The following NUS1 variants were observed in gnomAD, a reference collection of about 807,000 sequenced individuals.
NUS1 encodes dehydrodolichyl diphosphate synthase complex subunit NUS1.
For missense variants in NUS1, 292 were observed against 382.9 expected (o/e 0.76, Z 1.98); for synonymous variants, 135 against 155.2 (o/e 0.87, Z 0.97).
At chr6:117,702,312 C>T (rs968055488) in intron 3 of NUS1, among the ~76,000 whole-genome samples, 7 of 152,108 alleles carry the variant, frequency 4.6e-5, no homozygotes, top group Non-Finnish European at 7.4e-5. Context: ...AGATTGAGTC[C>T]GTATCTTTTG....
intron 1 of NUS1, among the ~76,000 whole-genome samples, chr6:117,683,448 A>G (rs2114679979): frequency 6.6e-6 from 1 of 152,292 alleles, no homozygotes; most frequent in South Asian, 2.1e-4. Context: ...CCATAAATAT[A>G]TGTTTTCTTC....
intron 4 of NUS1, among the ~76,000 whole-genome samples, chr6:117,704,301 CAAGTG>C (rs1004896825): frequency 1.3e-5 from 2 of 152,026 alleles, no homozygotes; most frequent in Admixed American, 6.6e-5. Context: ...ATTAAAAAGA[CAAGTG>C]AAGAGGCCAT....
At chr6:117,702,535 T>C (rs1773425306) in intron 3 of NUS1, among the ~76,000 whole-genome samples, 1 of 152,168 alleles carries the variant, frequency 6.6e-6, no homozygotes, top group South Asian at 2.1e-4. Context: ...TCTTGAATGG[T>C]TGGTTTTGTC....
intron 1 of NUS1, among the ~76,000 whole-genome samples, chr6:117,678,273 G>A (rs1161150689): frequency 1.3e-5 from 2 of 152,112 alleles, no homozygotes; most frequent in Admixed American, 6.6e-5. Flanking sequence ...AAAAGAATAA[G>A]AAATATTCCT....
chr6:117,705,637 G>C (rs2516106), intron 4 of NUS1, among the ~76,000 whole-genome samples: 5,207 of 152,056 alleles, frequency 0.034, 281 homozygotes, highest in African/African-American at 0.12. Flanking sequence ...GGGAAGGGTG[G>C]GGTTCTGACA....
intron 1 of NUS1, among the ~76,000 whole-genome samples, chr6:117,689,465 G>A (rs977390241): frequency 9.2e-5 from 14 of 152,222 alleles, no homozygotes; most frequent in Admixed American, 8.5e-4. Context: ...TAGTTTTTAT[G>A]GGAAAGGGAG....
intron 1 of NUS1, among the ~76,000 whole-genome samples, chr6:117,677,476 A>G (rs748017308): frequency 6.6e-6 from 1 of 152,220 alleles, no homozygotes; most frequent in African/African-American, 2.4e-5. Context: ...ATGATTTAAG[A>G]GTATTGGTAT....
intron 1 of NUS1, among the ~76,000 whole-genome samples, chr6:117,688,257 A>G (rs1048387651): frequency 5.3e-5 from 8 of 152,146 alleles, no homozygotes; most frequent in African/African-American, 1.9e-4. Flanking sequence ...AAAGAACAGC[A>G]CAATGGCTTG....
chr6:117,693,595 T>A (rs1211783119), intron 2 of NUS1, among the ~76,000 whole-genome samples: 1 of 152,214 alleles, frequency 6.6e-6, no homozygotes, highest in Non-Finnish European at 1.5e-5. Flanking sequence ...GTAGAATTGA[T>A]AAAGGTATGT....
intron 1 of NUS1, among the ~76,000 whole-genome samples, chr6:117,680,373 C>G (rs935142561): frequency 9.9e-5 from 15 of 152,282 alleles, no homozygotes; most frequent in African/African-American, 3.4e-4. Context: ...GCCTGTGTCT[C>G]ACATGCAGGT....
At chr6:117,685,750 C>T (rs1773127554) in intron 1 of NUS1, among the ~76,000 whole-genome samples, 1 of 152,122 alleles carries the variant, frequency 6.6e-6, no homozygotes, top group South Asian at 2.1e-4. Context: ...AAGTAAAAAT[C>T]TTTAAGTCAT....
At chr6:117,691,217 A>G (rs1399870848) in intron 1 of NUS1, among the ~76,000 whole-genome samples, 14 of 151,934 alleles carry the variant, frequency 9.2e-5, no homozygotes. Context: ...GCACATTTTT[A>G]TGTATTTCCA....
chr6:117,693,390 A>G (rs1773270374), intron 2 of NUS1, among the ~76,000 whole-genome samples: 1 of 152,196 alleles, frequency 6.6e-6, no homozygotes. Context: ...AACTGGTTCC[A>G]CAGAGAATCC....
intron 3 of NUS1, among the ~76,000 whole-genome samples, chr6:117,695,882 G>C (rs770578010): frequency 6.6e-6 from 1 of 152,004 alleles, no homozygotes; most frequent in Non-Finnish European, 1.5e-5. Context: ...AAATGCATTA[G>C]TTATTCATTG....
chr6:117,690,184 T>C (rs1312082988), intron 1 of NUS1, among the ~76,000 whole-genome samples: 4 of 152,242 alleles, frequency 2.6e-5, no homozygotes, highest in African/African-American at 9.6e-5. Context: ...TATTTAGTGA[T>C]ATATTTTTTG....
At chr6:117,686,060 G>A (rs1490268791) in intron 1 of NUS1, among the ~76,000 whole-genome samples, 1 of 151,718 alleles carries the variant, frequency 6.6e-6, no homozygotes, top group Non-Finnish European at 1.5e-5. Context: ...AGGAGATCGA[G>A]ACCATCCTGG....
intron 3 of NUS1, among the ~76,000 whole-genome samples, chr6:117,702,055 A>T (rs903351819): frequency 6.6e-6 from 1 of 151,884 alleles, no homozygotes; most frequent in African/African-American, 2.4e-5. Context: ...CCTGTCCCCT[A>T]CCCTGCTTCC....
chr6:117,701,459 T>C (rs973193373), intron 3 of NUS1, among the ~76,000 whole-genome samples: 6 of 152,070 alleles, frequency 3.9e-5, no homozygotes, highest in Non-Finnish European at 8.8e-5. Context: ...TTAGCCAGGA[T>C]GGTCCCGATC....
rs1370087422 is a variant in NUS1 at position 117,693,112 on chromosome 6, A to G, written c.486A>G (p.Leu162=). Residue 162 remains leucine (L), a synonymous_variant, in exon 2 of 5, where the codon CTA becomes CTG. Transcript: ENST00000368494. ...AACAACAGCAAGAACTTCTGGGCCT[A>G]GATTGTTCAAAATACTCACCAGAAT... ...ILKQQQELLG[L]DCSKYSPEFA... The G allele has an allele frequency of 6.2e-7, 1 of 1,612,134 alleles. No individual in the cohort carries two copies. Among genetic ancestry groups the G allele is most frequent in the Non-Finnish European group, 8.5e-7 (1 of 1,178,558 alleles).
Sources: allele counts gnomAD v4.1 joint callset (sites outside exome capture counted in the v4.1 genomes callset), GRCh38; gene constraint gnomAD v4.1.1; transcripts MANE v1.5; gene names NCBI Gene and HGNC (gene_info 2026-07-23, HGNC 2026-07-21).